The following TMEM132C variants were observed in gnomAD, a reference collection of about 807,000 sequenced individuals.
TMEM132C encodes the protein protein phosphatase 1, regulatory subunit 152.
Under a neutral mutation model 61.4 loss-of-function variants are expected in TMEM132C, and 29 were observed. The observed-to-expected ratio is 0.47, with a 90% CI of 0.35 to 0.64. TMEM132C has a LOEUF of 0.64. Among genes scored for constraint, TMEM132C ranks in the 30% least tolerant of loss-of-function variants. TMEM132C has a pLI of 0.00. For synonymous variants in TMEM132C, 656 were observed against 633.1 expected (o/e 1.04, Z -0.54); for missense variants, 1,408 against 1,476.9 (o/e 0.95, Z 0.76).
intron 2 of TMEM132C, among the ~76,000 whole-genome samples, chr12:128,453,216 CA>C (rs1193843040): frequency 1.3e-5 from 2 of 152,206 alleles, no homozygotes; most frequent in Non-Finnish European, 2.9e-5. Flanking sequence ...ATTCAACAAG[CA>C]GCTGCTTCAC....
At chr12:128,342,040 G>A (rs1476691518) in intron 1 of TMEM132C, among the ~76,000 whole-genome samples, 1 of 149,656 alleles carries the variant, frequency 6.7e-6, no homozygotes, top group Non-Finnish European at 1.5e-5. Context: ...ATGGAGTCTC[G>A]CTCTGTCGCC....
intron 4 of TMEM132C, among the ~76,000 whole-genome samples, chr12:128,636,223 T>A (rs11059803): frequency 5.7e-4 from 87 of 151,894 alleles, no homozygotes; most frequent in East Asian, 4.9e-3. Context: ...GCTAATTTTT[T>A]AAAATTTTTT....
intron 1 of TMEM132C, among the ~76,000 whole-genome samples, chr12:128,399,033 T>C (rs1011115174): frequency 6.6e-6 from 1 of 152,240 alleles, no homozygotes; most frequent in Middle Eastern, 3.2e-3. Flanking sequence ...CTCTTTTTGT[T>C]TACTCAACCA....
intron 1 of TMEM132C, among the ~76,000 whole-genome samples, chr12:128,370,873 G>C (rs1565915501): frequency 6.6e-6 from 1 of 152,096 alleles, no homozygotes; most frequent in African/African-American, 2.4e-5. Context: ...CAGAATAATA[G>C]CAGCTACCCC....
intron 2 of TMEM132C, among the ~76,000 whole-genome samples, chr12:128,527,707 A>ATGTGTGTGTGTGTGTGTGTGTG (rs5801799): frequency 8.2e-5 from 12 of 147,194 alleles, no homozygotes; most frequent in African/African-American, 3.0e-4. Context: ...ATGTGCATGT[A>ATGTGTGTGTGTGTGTGTGTGTG]TGTGTGTGTG....
At chr12:128,385,245 C>T (rs1441675193) in intron 1 of TMEM132C, among the ~76,000 whole-genome samples, 2 of 147,176 alleles carry the variant, frequency 1.4e-5, no homozygotes, top group East Asian at 4.0e-4. Context: ...GCCGAGTCCT[C>T]GCACAGAGCC....
chr12:128,408,047 C>G (rs63307761), intron 1 of TMEM132C, among the ~76,000 whole-genome samples: 1 of 40,862 alleles, frequency 2.4e-5, no homozygotes, highest in Non-Finnish European at 5.3e-5. Context: ...CTCTTCTTAA[C>G]TCAAGTCAAA....
chr12:128,421,076 G>C (rs2136026984), intron 2 of TMEM132C, among the ~76,000 whole-genome samples: 1 of 152,110 alleles, frequency 6.6e-6, no homozygotes. Flanking sequence ...GTGAAGTCTG[G>C]GATTTTAGTG....
At chr12:128,496,366 T>C (rs1262864694) in intron 2 of TMEM132C, among the ~76,000 whole-genome samples, 1 of 152,174 alleles carries the variant, frequency 6.6e-6, no homozygotes, top group African/African-American at 2.4e-5. Flanking sequence ...TTTCCTGAAT[T>C]TGAATGTTGG....
intron 4 of TMEM132C, among the ~76,000 whole-genome samples, chr12:128,635,176 A>T (rs1954093264): frequency 6.6e-6 from 1 of 152,258 alleles, no homozygotes; most frequent in South Asian, 2.1e-4. Flanking sequence ...TCATAATGTT[A>T]AGAGATTCTA....
At position 128,326,330 on chromosome 12, in the gene TMEM132C, G is replaced by C. The variant is rs1872516480; in HGVS notation, c.85+58843G>C. ...TGTCCGATTCTCTGGATATGAGAGT[G>C]TTGTTTTCCAAGTGTAGCAGGGTTT... On this transcript the variant is annotated intron_variant, in intron 1 of 8. Coordinates refer to ENST00000435159, the MANE Select transcript of TMEM132C (RefSeq NM_001136103.3). The surrounding 1 kb of genome is among the most constrained non-coding windows in gnomAD (Gnocchi z 5.6). Among the ~76,000 whole-genome samples, 1 of 152,182 alleles carries C rather than the reference G, an allele frequency of 6.6e-6. No individual in the cohort carries two copies. Among genetic ancestry groups the C allele is most frequent in the Non-Finnish European group, 1.5e-5 (1 of 68,036 alleles).
At chr12:128,344,340 A>G (rs1345961658) in intron 1 of TMEM132C, among the ~76,000 whole-genome samples, 8 of 152,028 alleles carry the variant, frequency 5.3e-5, no homozygotes, top group Non-Finnish European at 1.5e-5. Flanking sequence ...TTGTATTTTT[A>G]GTAGAGACAG....
In TMEM132C at chr12:128,340,781, TTC is replaced by T. The variant is rs563629490; in HGVS notation, c.85+73312_85+73313del. 8.8e-3 allele frequency among the ~76,000 whole-genome samples: 1,087 copies of T among 123,236 alleles called. 6 individuals are homozygous for T. Among genetic ancestry groups the T allele is most frequent in the African/African-American group, 0.02 (422 of 21,160 alleles). The allele number at this position is 123,236 out of a possible 152,430, so 80.8% of individuals were successfully genotyped here. On this transcript the variant is annotated intron_variant, in intron 1 of 8. Coordinates refer to ENST00000435159, the MANE Select transcript of TMEM132C (RefSeq NM_001136103.3). ...TTTCTTTCTTTCTATTTTTCTTTCT[TTC>T]TCTCTCTCTCTCTCTCTTTCTTTCT...
intron 3 of TMEM132C, among the ~76,000 whole-genome samples, chr12:128,550,846 G>A (rs1483381451): frequency 6.6e-6 from 1 of 152,184 alleles, no homozygotes; most frequent in African/African-American, 2.4e-5. Flanking sequence ...TTGTGCACTT[G>A]TGCGGATTCT....
intron 3 of TMEM132C, among the ~76,000 whole-genome samples, chr12:128,587,742 T>C (rs898562725): frequency 6.6e-6 from 1 of 152,212 alleles, no homozygotes; most frequent in Non-Finnish European, 1.5e-5. Context: ...TGATTTTATA[T>C]TGGCAAGGGA....
chr12:128,483,982 C>T (rs1223305267), intron 2 of TMEM132C, among the ~76,000 whole-genome samples: 1 of 152,120 alleles, frequency 6.6e-6, no homozygotes, highest in Non-Finnish European at 1.5e-5. Flanking sequence ...TGTATCTAAA[C>T]GGTAAAAATA....
At chr12:128,306,932 G>C (rs1871803148) in intron 1 of TMEM132C, among the ~76,000 whole-genome samples, 2 of 152,212 alleles carry the variant, frequency 1.3e-5, no homozygotes. Flanking sequence ...TAAGCAAAGA[G>C]TGAGCCCTAC....
In TMEM132C at chr12:128,267,491, A is replaced by T; in HGVS notation, c.85+4A>T. 2 of 1,246,570 alleles carry T rather than the reference A, an allele frequency of 1.6e-6. No individual in the cohort carries two copies. The highest frequency in any genetic ancestry group is 2.0e-6 in the Non-Finnish European group (2 of 996,638). 77.2% of individuals were successfully genotyped at this position (1,246,570 alleles called of 1,614,324 possible). A position where few individuals can be genotyped will look rare whatever the true frequency, so the allele number is the denominator to read the frequency against. On this transcript the variant is annotated splice_donor_region_variant and intron_variant, in intron 1 of 8. Coordinates refer to ENST00000435159, the MANE Select transcript of TMEM132C (RefSeq NM_001136103.3). ...CTGGGCGCGCTGCTGGGCAAAGGTAAGGCCGGGGCGGGTGCCTGGCGCGCC... is the reference window on the plus strand; with the variant it reads ...CTGGGCGCGCTGCTGGGCAAAGGTATGGCCGGGGCGGGTGCCTGGCGCGCC...
chr12:128,494,540 A>G (rs1871869288), intron 2 of TMEM132C, among the ~76,000 whole-genome samples: 1 of 152,186 alleles, frequency 6.6e-6, no homozygotes, highest in Non-Finnish European at 1.5e-5. Context: ...TTATTGGTCT[A>G]TTCAGGGATT....
Sources: gnomAD v4.1 joint callset for allele counts (sites outside exome capture counted in the v4.1 genomes callset) on GRCh38, gnomAD v4.1.1 for gene constraint, Gnocchi (gnomAD v3.1) non-coding constraint, MANE v1.5 for transcripts, NCBI Gene and HGNC (gene_info 2026-07-23, HGNC 2026-07-21) for gene names.